The following FBXL5 variants were observed in gnomAD, a reference collection of about 807,000 sequenced individuals.
FBXL5 encodes the protein F-box/LRR-repeat protein 5.
In FBXL5, 26 loss-of-function variants were observed where a neutral mutation model predicts 78.3. That is an observed-to-expected ratio of 0.33 (90% CI 0.24 to 0.46). The LOEUF (loss-of-function observed/expected upper bound fraction) is 0.46. Ranked by LOEUF, FBXL5 falls within the 20% of genes least tolerant of loss-of-function variation. FBXL5 has a pLI of 1.00. For missense variants in FBXL5, 710 were observed against 829.2 expected, an observed-to-expected ratio of 0.86 and a Z score of 1.77; for synonymous variants, 295 against 282.5, an observed-to-expected ratio of 1.04 and a Z score of -0.45.
At chr4:15,636,440 T>C (rs904188517) in intron 5 of FBXL5, 54 bp downstream of exon 5, 5 of 1,357,314 alleles carry the variant, frequency 3.7e-6, no homozygotes, top group Non-Finnish European at 4.9e-6. Context: ...TTAATGTAAA[T>C]GAATATTCAT....
chr4:15,623,777 G>A lies in FBXL5; in HGVS notation c.1850+1475C>T, dbSNP rs1577438280. 2.6e-5 allele frequency among the ~76,000 whole-genome samples: 4 copies of A among 151,674 alleles called. No homozygotes were observed. The East Asian group carries it at 7.7e-4, about 29-fold the overall frequency. The stretch of plus-strand genomic sequence containing the variant: ...CCACAGTTATACCAGTTACCTCGGG[G>A]AAAACACTTTTGGTTACTGTATATG... On this transcript the variant is annotated intron_variant, in intron 9 of 10. Transcript: ENST00000341285.
chr4:15,651,562 T>A (rs1716047894), intron 1 of FBXL5, among the ~76,000 whole-genome samples: 4 of 152,176 alleles, frequency 2.6e-5, no homozygotes, highest in Admixed American at 2.6e-4. Flanking sequence ...CAATAAATTG[T>A]TACAGGTATG....
At chr4:15,654,141 T>G (rs71601486) in intron 1 of FBXL5, among the ~76,000 whole-genome samples, 6,941 of 152,326 alleles carry the variant, frequency 0.046, 258 homozygotes, top group South Asian at 0.087. Flanking sequence ...GGCTGAGCTA[T>G]GAAACACCCC....
chr4:15,666,204 G>A (rs1030965644), intron 1 of FBXL5, among the ~76,000 whole-genome samples: 8 of 152,048 alleles, frequency 5.3e-5, no homozygotes, highest in African/African-American at 1.9e-4. Context: ...TTCAAAACCA[G>A]CCTAGGCAAC....
At chr4:15,646,585 G>A (rs952650320) in intron 1 of FBXL5, among the ~76,000 whole-genome samples, 5 of 151,822 alleles carry the variant, frequency 3.3e-5, no homozygotes, top group Non-Finnish European at 7.4e-5. Flanking sequence ...TTAGGTACAT[G>A]TGCACAACGT....
intron 10 of FBXL5, 34 bp downstream of exon 10, chr4:15,612,232 C>G: frequency 7.0e-7 from 1 of 1,436,402 alleles, no homozygotes; most frequent in Non-Finnish European, 9.1e-7. Flanking sequence ...TAAATTAATT[C>G]CTTCAAAATT....
chr4:15,657,068 C>A (rs1353128834), upstream of FBXL5, among the ~76,000 whole-genome samples: 1 of 152,176 alleles, frequency 6.6e-6, no homozygotes, highest in Non-Finnish European at 1.5e-5. Flanking sequence ...AGATTAATTT[C>A]TCTCTTCCTC....
chr4:15,680,244 T>G (rs1718171233), intron 1 of FBXL5, among the ~76,000 whole-genome samples: 2 of 152,146 alleles, frequency 1.3e-5, no homozygotes, highest in Non-Finnish European at 1.5e-5. Context: ...TAATTTAAAA[T>G]GATTACCCGT....
intron 1 of FBXL5, among the ~76,000 whole-genome samples, chr4:15,652,289 A>G (rs180954528): frequency 3.4e-4 from 52 of 152,332 alleles, no homozygotes; most frequent in African/African-American, 1.1e-3. Context: ...AACTACTATG[A>G]TTTAATATAA....
chr4:15,611,680 G>A (rs1330419784), intron 10 of FBXL5, among the ~76,000 whole-genome samples: 2 of 152,040 alleles, frequency 1.3e-5, no homozygotes, highest in African/African-American at 2.4e-5. Context: ...TTTGAAAGTA[G>A]GTTCAGGAAT....
intron 1 of FBXL5, among the ~76,000 whole-genome samples, chr4:15,644,989 G>C (rs1345798634): frequency 1.3e-5 from 2 of 152,170 alleles, no homozygotes; most frequent in Admixed American, 6.5e-5. Context: ...GATTAAACCA[G>C]GCCCCTTCTA....
intron 10 of FBXL5, among the ~76,000 whole-genome samples, chr4:15,611,007 TTTG>T (rs1455647428): frequency 3.3e-5 from 5 of 152,028 alleles, no homozygotes; most frequent in African/African-American, 9.7e-5. Flanking sequence ...TCAATCAAAC[TTTG>T]TTTTCATAGG....
At chr4:15,664,550 CTTTTTTTTTTTT>C (rs35319145), upstream of FBXL5, among the ~76,000 whole-genome samples, 3 of 75,522 alleles carry the variant, frequency 4.0e-5, no homozygotes, top group Middle Eastern at 0.015. Context: ...GGCCCTCATC[CTTTTTTTTTTTT>C]TTTTTTTTTT....
intron 1 of FBXL5, among the ~76,000 whole-genome samples, chr4:15,676,889 A>C (rs1189648836): frequency 1.3e-5 from 2 of 152,242 alleles, no homozygotes; most frequent in African/African-American, 2.4e-5. Flanking sequence ...CTCAAAGCTA[A>C]GAACAAAATC....
At chr4:15,635,202 G>A (rs934534794) in intron 5 of FBXL5, among the ~76,000 whole-genome samples, 3 of 151,568 alleles carry the variant, frequency 2.0e-5, no homozygotes, top group Non-Finnish European at 4.4e-5. Context: ...GCATGGTGGC[G>A]GATGCCTGTA....
chr4:15,629,013 G>A (rs1713361515), intron 6 of FBXL5, among the ~76,000 whole-genome samples: 1 of 151,988 alleles, frequency 6.6e-6, no homozygotes, highest in Admixed American at 6.6e-5. Context: ...TACAATGTGT[G>A]ATGATTAAAT....
chr4:15,614,116 G>C (rs181596517), intron 9 of FBXL5, among the ~76,000 whole-genome samples: 2 of 152,164 alleles, frequency 1.3e-5, no homozygotes, highest in Admixed American at 6.5e-5. Flanking sequence ...AGATTCTCTT[G>C]TCCCACAAGC....
rs1178605911 is a variant in FBXL5 at position 15,627,881 on chromosome 4, A to G, written c.1041+4T>C. ...TACCCAAACTAGTGTTAATTTAAAC[A>G]TACCATTTTGCTGGAAACTGCAGAG... is the stretch of plus-strand genomic sequence containing the variant. On this transcript the variant is annotated splice_donor_region_variant and intron_variant, in intron 7 of 10. Transcript: ENST00000341285. 1 of 1,596,640 alleles carries G rather than the reference A, an allele frequency of 6.3e-7. No individual in the cohort carries two copies. Among genetic ancestry groups the G allele is most frequent in the Non-Finnish European group, 8.5e-7 (1 of 1,176,760 alleles).
At chr4:15,661,364 G>A (rs1287237412), upstream of FBXL5, among the ~76,000 whole-genome samples, 1 of 152,184 alleles carries the variant, frequency 6.6e-6, no homozygotes, top group African/African-American at 2.4e-5. Flanking sequence ...AGTCTCCAGA[G>A]TATCCTGAGA....
Sources: gnomAD v4.1 joint callset for allele counts (sites outside exome capture counted in the v4.1 genomes callset) on GRCh38, gnomAD v4.1.1 for gene constraint, MANE v1.5 for transcripts, NCBI Gene and HGNC (gene_info 2026-07-23, HGNC 2026-07-21) for gene names.